Variants in CRPPA observed in about 807,000 individuals in gnomAD.
CRPPA encodes the protein D-ribitol-5-phosphate cytidylyltransferase.
In CRPPA, 43 loss-of-function variants were observed where a neutral mutation model predicts 52.0. The ratio of observed to expected loss-of-function variants is 0.83; its 90% CI spans 0.65 to 1.07. CRPPA has a LOEUF of 1.07. Ranked by LOEUF, CRPPA falls within the 50% of genes least tolerant of loss-of-function variation. The pLI is 0.00. For synonymous variants in CRPPA, 250 were observed against 203.5 expected (o/e 1.23, Z -1.94); for missense variants, 629 against 551.7 (o/e 1.14, Z -1.40).
chr7:16,342,856 T>C (rs1475105119), intron 3 of CRPPA, among the ~76,000 whole-genome samples: 1 of 147,340 alleles, frequency 6.8e-6, no homozygotes, highest in East Asian at 2.0e-4. Context: ...TATACATATA[T>C]AGATATATAG....
chr7:16,389,399 T>C (rs1347346829), intron 2 of CRPPA, among the ~76,000 whole-genome samples: 1 of 152,120 alleles, frequency 6.6e-6, no homozygotes, highest in Non-Finnish European at 1.5e-5. Flanking sequence ...TAAAAAAGCG[T>C]TATACACCAT....
At chr7:16,367,820 G>A (rs1219931479) in intron 3 of CRPPA, among the ~76,000 whole-genome samples, 1 of 152,058 alleles carries the variant, frequency 6.6e-6, no homozygotes, top group Non-Finnish European at 1.5e-5. Flanking sequence ...AAGTTAAACA[G>A]GCACTTAAAA....
At position 16,198,006 on chromosome 7, in the gene CRPPA, C is replaced by T. The variant is rs556329580; in HGVS notation, c.1251+18060G>A. Among the ~76,000 whole-genome samples, 40 of 128,104 alleles carry T rather than the reference C, an allele frequency of 3.1e-4. No homozygotes were observed. The East Asian group carries it at 6.3e-3, about 20-fold the overall frequency. The allele number at this position is 128,104 out of a possible 152,430, so 84.0% of individuals were successfully genotyped here. On this transcript the variant is annotated intron_variant, in intron 9 of 9. Transcript: ENST00000407010. Reference sequence around the variant, plus strand: ...CCCTAATCTCAAGTACCCAGGGACACAAAAACTGCGGAAGGCCGCAGGGAC... The same window carrying T: ...CCCTAATCTCAAGTACCCAGGGACATAAAAACTGCGGAAGGCCGCAGGGAC...
chr7:16,326,935 C>G (rs142327457), intron 3 of CRPPA, among the ~76,000 whole-genome samples: 75 of 152,254 alleles, frequency 4.9e-4, no homozygotes, highest in African/African-American at 1.7e-3. Context: ...CTAGCCAGTA[C>G]TCCTTTTCTG....
At chr7:16,116,675 A>AAGGAAAGGAAAGGGAAGGGAAG (rs6150004) in intron 9 of CRPPA, among the ~76,000 whole-genome samples, 9,993 of 96,120 alleles carry the variant, frequency 0.1, 987 homozygotes, top group East Asian at 0.39. Flanking sequence ...AAAAAAAAAA[A>AAGGAAAGGAAAGGGAAGGGAAG]GGAAAGGAAA....
At chr7:16,241,608 T>C (rs971313445) in intron 8 of CRPPA, among the ~76,000 whole-genome samples, 15 of 152,212 alleles carry the variant, frequency 9.9e-5, no homozygotes, top group African/African-American at 3.4e-4. Flanking sequence ...ATTTGGTACA[T>C]ATTATATGAA....
chr7:16,115,998 C>T (rs1782363651), intron 9 of CRPPA, among the ~76,000 whole-genome samples: 1 of 152,082 alleles, frequency 6.6e-6, no homozygotes, highest in Admixed American at 6.5e-5. Flanking sequence ...TGACAAGCAA[C>T]ACTATATAAA....
chr7:16,275,473 C>T (rs1385694166), intron 6 of CRPPA, among the ~76,000 whole-genome samples: 1 of 152,102 alleles, frequency 6.6e-6, no homozygotes, highest in Admixed American at 6.6e-5. Flanking sequence ...AAAGGACGGC[C>T]ACGGAGGTGT....
At chr7:16,232,489 A>G (rs369592504) in intron 8 of CRPPA, among the ~76,000 whole-genome samples, 2 of 152,280 alleles carry the variant, frequency 1.3e-5, no homozygotes, top group African/African-American at 2.4e-5. Context: ...TGTCAGTAGC[A>G]TGCTCTTGGA....
chr7:16,302,294 T>C (rs910664798), intron 4 of CRPPA, among the ~76,000 whole-genome samples: 1 of 7,780 alleles, frequency 1.3e-4, no homozygotes, highest in African/African-American at 2.7e-3. Flanking sequence ...AGACTCTGTC[T>C]CAAAAAAAAA....
chr7:16,237,389 C>T (rs1039097827), intron 8 of CRPPA: 2 of 152,116 alleles, frequency 1.3e-5, no homozygotes, highest in Admixed American at 1.3e-4. Flanking sequence ...TGCAGACTGC[C>T]AACTTCTCAT....
chr7:16,381,833 C>A (rs550153231), intron 2 of CRPPA, among the ~76,000 whole-genome samples: 3 of 151,440 alleles, frequency 2.0e-5, no homozygotes, highest in Admixed American at 6.6e-5. Context: ...TTTTTGTTTT[C>A]CATTTGCTTG....
chr7:16,223,234 T>C (rs986792380), intron 8 of CRPPA, among the ~76,000 whole-genome samples: 3 of 152,194 alleles, frequency 2.0e-5, no homozygotes, highest in African/African-American at 7.2e-5. Flanking sequence ...ATGTTAAAAG[T>C]CTCAACATAC....
intron 9 of CRPPA, among the ~76,000 whole-genome samples, chr7:16,113,977 A>G (rs1782317588): frequency 6.6e-6 from 1 of 151,726 alleles, no homozygotes; most frequent in African/African-American, 2.4e-5. Context: ...AATATAAAGG[A>G]TATTTAAAAG....
intron 5 of CRPPA, among the ~76,000 whole-genome samples, chr7:16,296,412 A>T (rs1472129323): frequency 2.0e-5 from 3 of 152,194 alleles, no homozygotes; most frequent in Non-Finnish European, 4.4e-5. Context: ...CTTTGGTGAC[A>T]AGTAAATTTT....
At chr7:16,294,015 A>AT (rs1469106713) in intron 5 of CRPPA, among the ~76,000 whole-genome samples, 1 of 151,762 alleles carries the variant, frequency 6.6e-6, no homozygotes, top group Non-Finnish European at 1.5e-5. Context: ...TGTCCATGTC[A>AT]TTTTTTCTAA....
At chr7:16,354,669 AT>A (rs963994275) in intron 3 of CRPPA, among the ~76,000 whole-genome samples, 2 of 152,126 alleles carry the variant, frequency 1.3e-5, no homozygotes, top group African/African-American at 4.8e-5. Context: ...TTTTATTATT[AT>A]TATTATTACC....
At chr7:16,271,581 A>G (rs17169392) in intron 6 of CRPPA, among the ~76,000 whole-genome samples, 288 of 152,190 alleles carry the variant, frequency 1.9e-3, no homozygotes, top group African/African-American at 6.7e-3. Flanking sequence ...CTGTGCCCCA[A>G]TGAAGCTCTT....
chr7:16,382,049 G>T (rs10269329), intron 2 of CRPPA, among the ~76,000 whole-genome samples: 71,821 of 150,668 alleles, frequency 0.48, 18,120 homozygotes, highest in African/African-American at 0.63. Context: ...GTTAGCTGGT[G>T]ATTTTGCTCG....
Sources: gnomAD v4.1 joint callset for allele counts (sites outside exome capture counted in the v4.1 genomes callset) on GRCh38, gnomAD v4.1.1 for gene constraint, MANE v1.5 for transcripts, NCBI Gene and HGNC (gene_info 2026-07-23, HGNC 2026-07-21) for gene names.